REV3L: variants seen among roughly 807,000 people sequenced by gnomAD.
REV3L encodes REV3 like, DNA directed polymerase zeta catalytic subunit, also known as DNA polymerase zeta catalytic subunit.
REV3L carries 69 observed loss-of-function variants against 299.4 expected under a neutral mutation model. That is an observed-to-expected ratio of 0.23 (90% CI 0.19 to 0.28). The LOEUF (loss-of-function observed/expected upper bound fraction) is 0.28. REV3L is among the 10% of genes least tolerant of loss of function. The pLI, the probability that REV3L is intolerant of heterozygous loss-of-function variation, is 1.00. For missense variants in REV3L, 3,128 were observed against 3,693.8 expected (o/e 0.85, Z 3.97); for synonymous variants, 1,238 against 1,271.4 (o/e 0.97, Z 0.56).
In REV3L at chr6:111,367,621, C is replaced by T; in HGVS notation, c.6167G>A (p.Ser2056Asn). 5.0e-6 allele frequency: 8 copies of T among 1,614,112 alleles called. No homozygotes were observed. Among genetic ancestry groups the T allele is most frequent in the Non-Finnish European group, 6.8e-6 (8 of 1,180,018 alleles). The change falls in exon 14 of 32, where the codon AGT (serine) becomes AAT (asparagine). Residue 2056 changes from serine to asparagine, a missense_variant. Ser to Asn is a conservative substitution (Grantham distance 46, BLOSUM62 1). This residue lies in a region of REV3L where 2,409 missense variants were observed against 2,611.8 expected (regional missense o/e 0.92). Coordinates refer to ENST00000368802, the MANE Select transcript of REV3L (RefSeq NM_001372078.1). ...TGCTGTAGTGGGGAGTATACATGGA[C>T]TTACATCCATTTTTGGAGGCACTAC... ...KPVVPPKMDVSPCILPTTAHT... is the reference protein window; with the variant it reads ...KPVVPPKMDVNPCILPTTAHT...
At chr6:111,317,891 C>T (rs1381450504) in intron 26 of REV3L, among the ~76,000 whole-genome samples, 1 of 152,134 alleles carries the variant, frequency 6.6e-6, no homozygotes, top group Admixed American at 6.5e-5. Flanking sequence ...TGAGATTCAT[C>T]CATGGTGTCA....
chr6:111,313,254 T>C, intron 28 of REV3L, 98 bp downstream of exon 28: 2 of 1,067,452 alleles, frequency 1.9e-6, no homozygotes, highest in Non-Finnish European at 2.7e-6. Context: ...TAGGCTATAG[T>C]TCCTTCACCT....
chr6:111,384,601 T>G (rs1194850983), intron 9 of REV3L, among the ~76,000 whole-genome samples: 5 of 152,138 alleles, frequency 3.3e-5, no homozygotes, highest in Non-Finnish European at 5.9e-5. Flanking sequence ...TAATGAATGC[T>G]GGCAATGATG....
intron 1 of REV3L, among the ~76,000 whole-genome samples, chr6:111,478,655 G>A (rs1031245037): frequency 6.6e-6 from 1 of 150,446 alleles, no homozygotes; most frequent in African/African-American, 2.4e-5. Flanking sequence ...GGTTATTCTG[G>A]TAGTTTCTTA....
Position 111,349,205 on chromosome 6 carries a change from A to G in REV3L, c.7419+13T>C. 1.6e-6 allele frequency: 2 copies of G among 1,279,612 alleles called. No individual in the cohort carries two copies. Among genetic ancestry groups the G allele is most frequent in the East Asian group, 2.3e-5 (1 of 43,260 alleles). 79.3% of individuals were successfully genotyped at this position (1,279,612 alleles called of 1,614,324 possible). The stretch of plus-strand genomic sequence containing the variant: ...ATCTTATTTCTAAACAACATTTTGG[A>G]TAAATCACCCACCTCATTTCTCATG... On this transcript the variant is annotated intron_variant, in intron 20 of 31. Transcript: ENST00000368802.
intron 16 of REV3L, among the ~76,000 whole-genome samples, chr6:111,362,843 A>T (rs886769753): frequency 6.6e-6 from 1 of 152,222 alleles, no homozygotes; most frequent in Non-Finnish European, 1.5e-5. Flanking sequence ...CTATGTTTTA[A>T]AATCTAAATT....
intron 16 of REV3L, among the ~76,000 whole-genome samples, chr6:111,361,854 G>T (rs193168366): frequency 2.0e-5 from 3 of 152,140 alleles, no homozygotes; most frequent in Non-Finnish European, 4.4e-5. Context: ...ACCACCGGGC[G>T]GCAGTTTGGA....
At chr6:111,351,352 G>A (rs1777547801) in intron 19 of REV3L, among the ~76,000 whole-genome samples, 1 of 151,938 alleles carries the variant, frequency 6.6e-6, no homozygotes, top group Non-Finnish European at 1.5e-5. Flanking sequence ...AGAAAAATAT[G>A]TGTGGTAAGA....
intron 1 of REV3L, among the ~76,000 whole-genome samples, chr6:111,441,555 A>G (rs1329409969): frequency 6.6e-6 from 1 of 152,108 alleles, no homozygotes; most frequent in Admixed American, 6.6e-5. Flanking sequence ...CCAGCCACTC[A>G]TCTGTTCTTG....
At chr6:111,311,306 A>G in intron 28 of REV3L, 47 bp from the exon 29 acceptor site, 2 of 1,413,100 alleles carry the variant, frequency 1.4e-6, no homozygotes, top group East Asian at 2.3e-5. Flanking sequence ...ATCTCCTAGT[A>G]TGTTTCACCA....
At chr6:111,402,830 A>G (rs1223989601) in intron 4 of REV3L, among the ~76,000 whole-genome samples, 2 of 152,226 alleles carry the variant, frequency 1.3e-5, no homozygotes, top group African/African-American at 4.8e-5. Context: ...TCATTTTAAG[A>G]GAAGTAGAAG....
intron 27 of REV3L, 50 bp from the exon 28 acceptor site, chr6:111,313,539 A>G: frequency 6.5e-7 from 1 of 1,528,736 alleles, no homozygotes; most frequent in Non-Finnish European, 8.8e-7. Context: ...CCCCCCACCA[A>G]GAATGTTTTA....
At chr6:111,449,637 G>A (rs1338382741) in intron 1 of REV3L, among the ~76,000 whole-genome samples, 1 of 152,136 alleles carries the variant, frequency 6.6e-6, no homozygotes, top group African/African-American at 2.4e-5. Context: ...CAGTAGATGG[G>A]CAACATTAGC....
Position 111,374,784 on chromosome 6 carries a change from T to G in REV3L, c.3571A>C (p.Arg1191=), listed in dbSNP as rs1780132257. 6.2e-7 allele frequency: 1 copy of G among 1,612,038 alleles called. No homozygotes were observed. The highest frequency in any genetic ancestry group is 8.5e-7 in the Non-Finnish European group (1 of 1,179,498). ...TTATTTGTCTGATTTCGTTTGTTCC[T>G]TTTCTTAGTAACTATAGAGGGATTA... ...LANPSIVTKK[R]NKRNQTNKLV... is the part of the protein sequence containing the mutation. The change falls in exon 13 of 32, where the codon AGG becomes CGG. Residue 1191 remains arginine (R), a synonymous_variant. Coordinates refer to ENST00000368802, the MANE Select transcript of REV3L (RefSeq NM_001372078.1).
At chr6:111,463,728 A>T (rs1432619915) in intron 1 of REV3L, among the ~76,000 whole-genome samples, 2 of 152,200 alleles carry the variant, frequency 1.3e-5, no homozygotes, top group Non-Finnish European at 2.9e-5. Flanking sequence ...TCATTTTATT[A>T]TAACAATGAG....
chr6:111,471,214 C>T (rs1050899920), intron 1 of REV3L, among the ~76,000 whole-genome samples: 2 of 151,914 alleles, frequency 1.3e-5, no homozygotes, highest in Admixed American at 6.6e-5. Flanking sequence ...TTTACTGTGA[C>T]ATCTAGCATA....
At chr6:111,469,560 T>G (rs1198202315) in intron 1 of REV3L, among the ~76,000 whole-genome samples, 15 of 152,214 alleles carry the variant, frequency 9.9e-5, no homozygotes, top group Admixed American at 9.2e-4. Context: ...TTGGCCATGT[T>G]GATCTGCTTT....
chr6:111,365,085 ACAT>A (rs1438958730), intron 15 of REV3L, among the ~76,000 whole-genome samples, 177 bp downstream of exon 15: 2 of 151,542 alleles, frequency 1.3e-5, no homozygotes, highest in African/African-American at 2.4e-5. Context: ...TTAGATCCCA[ACAT>A]CAAAAAAAAA....
At chr6:111,425,391 G>A (rs536249558) in intron 1 of REV3L, among the ~76,000 whole-genome samples, 66 of 152,240 alleles carry the variant, frequency 4.3e-4, no homozygotes, top group African/African-American at 1.6e-3. Flanking sequence ...CCCGGCAGGC[G>A]GAGCTTGCAG....
Sources: gnomAD v4.1 joint callset for allele counts (sites outside exome capture counted in the v4.1 genomes callset) on GRCh38, gnomAD v4.1.1 for gene constraint, gnomAD v4.1.1 regional missense constraint, MANE v1.5 for transcripts, NCBI Gene and HGNC (gene_info 2026-07-23, HGNC 2026-07-21) for gene names.